The following TXNL4A variants were observed in gnomAD, a reference collection of about 807,000 sequenced individuals.
TXNL4A encodes thioredoxin like 4A, also known as thioredoxin-like protein 4A.
Under a neutral mutation model 14.6 loss-of-function variants are expected in TXNL4A, and 17 were observed. That is an observed-to-expected ratio of 1.16 (90% confidence interval 0.80 to 1.74). The LOEUF (loss-of-function observed/expected upper bound fraction) is 1.74. Ranked by LOEUF, TXNL4A falls within the 40% of genes most tolerant of loss-of-function variation. TXNL4A has a pLI of 0.00. For synonymous variants in TXNL4A, 83 were observed against 70.6 expected, an observed-to-expected ratio of 1.18 and a Z score of -0.88; for missense variants, 74 against 195.2, an observed-to-expected ratio of 0.38 and a Z score of 3.70.
intron 2 of TXNL4A, among the ~76,000 whole-genome samples, chr18:79,977,179 G>A (rs578076624): frequency 2.6e-5 from 4 of 152,126 alleles, no homozygotes; most frequent in East Asian, 1.9e-4. Flanking sequence ...AGCTGGTCTC[G>A]AACTCCTGAC....
At chr18:79,986,130 C>T (rs1480444167) in intron 1 of TXNL4A, among the ~76,000 whole-genome samples, 1 of 151,756 alleles carries the variant, frequency 6.6e-6, no homozygotes, top group Non-Finnish European at 1.5e-5. Flanking sequence ...GTCTTGACTT[C>T]CCGGGCTCAG....
chr18:79,974,291 A>T (rs775368445), intron 2 of TXNL4A, among the ~76,000 whole-genome samples: 3 of 152,216 alleles, frequency 2.0e-5, no homozygotes, highest in Non-Finnish European at 4.4e-5. Context: ...TAAGTTTTTC[A>T]CAGTGCTCTT....
At chr18:79,976,768 T>C (rs749793705) in intron 2 of TXNL4A, 15 of 456,556 alleles carry the variant, frequency 3.3e-5, no homozygotes, top group South Asian at 2.3e-4. Context: ...ATGTAGCTAA[T>C]TCACCAACCT....
At chr18:79,999,614 A>C (rs904453222) in intron 1 of TXNL4A, among the ~76,000 whole-genome samples, 2 of 152,114 alleles carry the variant, frequency 1.3e-5, no homozygotes, top group South Asian at 2.1e-4. Context: ...ACTTTAAATT[A>C]AACACCACAG....
At chr18:80,013,420 C>T (rs2145117678) in intron 1 of TXNL4A, among the ~76,000 whole-genome samples, 1 of 151,210 alleles carries the variant, frequency 6.6e-6, no homozygotes, top group South Asian at 2.1e-4. Context: ...CACACCTGGC[C>T]CCATTAAATA....
rs1369827796 is a variant in TXNL4A at position 79,973,928 on chromosome 18, G to GT, written c.258-73dup. ...AAAAGAATTCCTTGAAAACAATGCC[G>GT]TATTTTTCCCACTGTGACAAGCTCT... On this transcript the variant is annotated intron_variant, in intron 2 of 2. Coordinates refer to ENST00000269601, the MANE Select transcript of TXNL4A (RefSeq NM_006701.5). 3.3e-5 allele frequency: 51 copies of GT among 1,567,176 alleles called. No homozygotes were observed. In the East Asian group the frequency reaches 1.1e-3, roughly 32 times the overall value.
At chr18:80,008,713 GT>G (rs2051749015) in intron 1 of TXNL4A, among the ~76,000 whole-genome samples, 1 of 152,110 alleles carries the variant, frequency 6.6e-6, no homozygotes, top group Non-Finnish European at 1.5e-5. Flanking sequence ...TCCTGGGACT[GT>G]ATGAGTCTGT....
chr18:80,010,632 G>A (rs1474932265), intron 1 of TXNL4A, among the ~76,000 whole-genome samples: 2 of 152,206 alleles, frequency 1.3e-5, no homozygotes, highest in South Asian at 2.1e-4. Flanking sequence ...TACAAAGGAC[G>A]AAGGCATTTT....
intron 1 of TXNL4A, among the ~76,000 whole-genome samples, chr18:79,978,567 C>T (rs1279491457): frequency 6.6e-6 from 1 of 152,146 alleles, no homozygotes; most frequent in Non-Finnish European, 1.5e-5. Context: ...GATCTTGGCT[C>T]ACTGCAACCT....
intron 1 of TXNL4A, chr18:79,986,551 A>T: frequency 3.1e-6 from 3 of 982,304 alleles, no homozygotes; most frequent in Non-Finnish European, 3.6e-6. Context: ...AAGAAATTGG[A>T]CATAAAGGAG....
At chr18:79,985,317 G>A (rs1339758738) in intron 1 of TXNL4A, among the ~76,000 whole-genome samples, 4 of 152,046 alleles carry the variant, frequency 2.6e-5, no homozygotes, top group African/African-American at 9.7e-5. Flanking sequence ...ATGCAGTGGC[G>A]CGATCACGGC....
chr18:79,979,647 G>A (rs2051433267), intron 1 of TXNL4A: 1 of 152,622 alleles, frequency 6.6e-6, no homozygotes, highest in Non-Finnish European at 1.5e-5. Flanking sequence ...AGAACTGTGA[G>A]CCAATTAAAC....
At chr18:79,983,993 G>A (rs1310327298) in intron 1 of TXNL4A, among the ~76,000 whole-genome samples, 1 of 149,792 alleles carries the variant, frequency 6.7e-6, no homozygotes, top group Admixed American at 6.6e-5. Flanking sequence ...ACCCTCAACC[G>A]CCACTCAACA....
intron 1 of TXNL4A, among the ~76,000 whole-genome samples, chr18:80,005,933 A>G (rs1400558450): frequency 4.0e-5 from 6 of 151,850 alleles, no homozygotes; most frequent in African/African-American, 1.5e-4. Flanking sequence ...AAAGAAAAAG[A>G]ATAAGAAAAA....
At chr18:80,010,616 T>C (rs2051763533) in intron 1 of TXNL4A, among the ~76,000 whole-genome samples, 1 of 152,236 alleles carries the variant, frequency 6.6e-6, no homozygotes, top group Non-Finnish European at 1.5e-5. Context: ...GGGAGCCCAC[T>C]GTCTATACAA....
chr18:79,989,152 T>A (rs181065153), upstream of TXNL4A, among the ~76,000 whole-genome samples: 162 of 151,828 alleles, frequency 1.1e-3, no homozygotes, highest in Middle Eastern at 3.4e-3. Context: ...AGAAAAAAAA[T>A]TTTTTTTTGA....
rs2051692262 is a variant in TXNL4A, at chr18:80,000,595, G to A, written c.-60-22894C>T. Among the ~76,000 whole-genome samples, 4 of 152,336 alleles carry A rather than the reference G, an allele frequency of 2.6e-5. No individual in the cohort carries two copies. The South Asian group carries it at 8.3e-4, about 32-fold the overall frequency. On this transcript the variant is annotated intron_variant, in intron 1 of 2. Transcript: ENST00000585474. ...AGAAAAGGAAAACCCATTTTCTGTG[G>A]AGAAATTCAAGACAGTTGCAGAAAT...
chr18:80,012,943 T>C (rs1339182167), intron 1 of TXNL4A, among the ~76,000 whole-genome samples: 1 of 152,052 alleles, frequency 6.6e-6, no homozygotes, highest in East Asian at 1.9e-4. Context: ...GCAACGCACG[T>C]TCCTGGGGAA....
intron 1 of TXNL4A, chr18:79,986,848 C>A: frequency 1.1e-6 from 1 of 877,458 alleles, no homozygotes; most frequent in Non-Finnish European, 1.4e-6. Flanking sequence ...CAATTCTTCG[C>A]TGGATTTCCA....
Sources: allele counts gnomAD v4.1 joint callset (sites outside exome capture counted in the v4.1 genomes callset), GRCh38; gene constraint gnomAD v4.1.1; transcripts MANE v1.5; gene names NCBI Gene and HGNC (gene_info 2026-07-23, HGNC 2026-07-21).